The following U2AF2 variants were observed in gnomAD, a reference collection of about 807,000 sequenced individuals.
The protein encoded by U2AF2 is U2 small nuclear RNA auxiliary factor 2.
A neutral mutation model predicts 52.6 loss-of-function variants in U2AF2; 6 were observed. The observed-to-expected ratio is 0.11, with a 90% CI of 0.06 to 0.23. The LOEUF (loss-of-function observed/expected upper bound fraction) is 0.23. U2AF2 is among the 10% of genes least tolerant of loss of function. The pLI is 1.00. For synonymous variants in U2AF2, 284 were observed against 258.2 expected (o/e 1.10, Z -0.96); for missense variants, 222 against 677.1 (o/e 0.33, Z 7.46).
chr19:55,659,560 G>A (rs543592292), intron 2 of U2AF2, among the ~76,000 whole-genome samples: 1 of 152,138 alleles, frequency 6.6e-6, no homozygotes, highest in Admixed American at 6.5e-5. Flanking sequence ...TTCTGTCTTG[G>A]TGGTTGCTGG....
At chr19:55,667,399 G>A (rs966783751) in intron 7 of U2AF2, among the ~76,000 whole-genome samples, 4 of 152,168 alleles carry the variant, frequency 2.6e-5, no homozygotes, top group Non-Finnish European at 5.9e-5. Context: ...AGGCTGGTTG[G>A]TTACCGGGGC....
chr19:55,655,101 C>G lies in U2AF2; in HGVS notation c.-4C>G. The G allele has an allele frequency of 6.2e-7, 1 of 1,606,142 alleles. No homozygotes were observed. Among genetic ancestry groups the G allele is most frequent in the Non-Finnish European group, 8.5e-7 (1 of 1,177,174 alleles). The stretch of plus-strand genomic sequence containing the variant: ...TGCACAGGGCCCTACGCGGCCGCCT[C>G]AGCATGTCGGACTTCGACGAGTTCG... On this transcript the variant is annotated 5_prime_UTR_variant, in exon 1 of 12. Transcript: ENST00000308924.
At chr19:55,666,739 C>T (rs1011774968) in intron 7 of U2AF2, among the ~76,000 whole-genome samples, 3 of 152,212 alleles carry the variant, frequency 2.0e-5, no homozygotes, top group Admixed American at 1.3e-4. Flanking sequence ...CCCAGGGAGC[C>T]CAACTCTTGT....
intron 1 of U2AF2, among the ~76,000 whole-genome samples, chr19:55,655,381 G>A (rs1173075130): frequency 3.9e-5 from 6 of 152,188 alleles, no homozygotes; most frequent in African/African-American, 1.4e-4. Flanking sequence ...TGCGCACGGC[G>A]GCTGTCCCTG....
chr19:55,659,430 G>A (rs557315310), intron 2 of U2AF2, 85 bp downstream of exon 2: 13 of 1,379,616 alleles, frequency 9.4e-6, no homozygotes, highest in Middle Eastern at 5.2e-4. Flanking sequence ...GTGTGTGTCT[G>A]TGTCTGGGTC....
At chr19:55,669,020 G>A (rs961300822) in intron 9 of U2AF2, 63 bp from the exon 10 acceptor site, 229 of 1,570,172 alleles carry the variant, frequency 1.5e-4, no homozygotes, top group African/African-American at 4.5e-4. Context: ...GGTAGGTGTC[G>A]GGCTCCTGGT....
chr19:55,656,986 A>G (rs1451596750), intron 1 of U2AF2, among the ~76,000 whole-genome samples: 1 of 152,228 alleles, frequency 6.6e-6, no homozygotes, highest in African/African-American at 2.4e-5. Flanking sequence ...TTTAAAGAGA[A>G]AACCAAGTCT....
chr19:55,659,193 C>T lies in U2AF2; in HGVS notation c.50-17C>T. ...TTACTCCGCTTATCCCGTGCCCCTC[C>T]TCTCACCCTTGCCCAGAGCGGGACA... On this transcript the variant is annotated splice_polypyrimidine_tract_variant and intron_variant, in intron 1 of 11. Coordinates refer to ENST00000308924, the MANE Select transcript of U2AF2 (RefSeq NM_007279.3). 1.9e-6 allele frequency: 3 copies of T among 1,542,296 alleles called. No homozygotes were observed. Among genetic ancestry groups the T allele is most frequent in the African/African-American group, 1.4e-5 (1 of 71,634 alleles).
At chr19:55,658,992 C>A in intron 1 of U2AF2, 2 of 590,340 alleles carry the variant, frequency 3.4e-6, no homozygotes, top group Non-Finnish European at 5.1e-6. Flanking sequence ...GTATCTTACA[C>A]CCCGGGGGCA....
At position 55,655,039 on chromosome 19, in the gene U2AF2, G is replaced by C. The variant is rs1983678038; in HGVS notation, c.-66G>C. ...GCCGAAGCCAGCGGCGGAAGTAGCC[G>C]AAGCGGCTGGAGCGGGCGGCAAGGC... On this transcript the variant is annotated 5_prime_UTR_variant, in exon 1 of 12. Transcript: ENST00000308924. The C allele has an allele frequency of 6.9e-6, 11 of 1,589,276 alleles. No individual in the cohort carries two copies. The highest frequency in any genetic ancestry group is 8.6e-6 in the Non-Finnish European group (10 of 1,168,592).
At chr19:55,665,034 TG>T (rs1984459723) in intron 7 of U2AF2, among the ~76,000 whole-genome samples, 1 of 152,168 alleles carries the variant, frequency 6.6e-6, no homozygotes, top group East Asian at 1.9e-4. Flanking sequence ...TTTTCCATCA[TG>T]GGTTTTGGTA....
chr19:55,662,190 G>T, intron 5 of U2AF2: 1 of 268,872 alleles, frequency 3.7e-6, no homozygotes, highest in South Asian at 8.7e-5. Flanking sequence ...CATGCCCTCT[G>T]CCTTTTCTTG....
intron 1 of U2AF2, among the ~76,000 whole-genome samples, chr19:55,658,064 A>G (rs1309407428): frequency 2.0e-5 from 3 of 152,172 alleles, no homozygotes; most frequent in African/African-American, 4.8e-5. Flanking sequence ...AGACATTCAC[A>G]TTGCATCGCA....
At chr19:55,673,908 C>A (rs1471439172) in intron 11 of U2AF2, 26 bp from the exon 12 acceptor site, 2 of 1,597,900 alleles carry the variant, frequency 1.3e-6, no homozygotes, top group African/African-American at 1.3e-5. Context: ...GCCTTGTTCA[C>A]AAACCTGCCT....
intron 1 of U2AF2, 39 bp downstream of exon 1, chr19:55,655,192 C>T (rs550603060): frequency 1.3e-6 from 2 of 1,585,246 alleles, no homozygotes; most frequent in Non-Finnish European, 1.7e-6. Context: ...GTGTGGGCGG[C>T]TCCTCGCGTC....
chr19:55,663,505 T>C, intron 6 of U2AF2, 101 bp from the exon 7 acceptor site: 1 of 1,514,862 alleles, frequency 6.6e-7, no homozygotes. Flanking sequence ...TTGTATTTGT[T>C]CACATGAGTG....
intron 10 of U2AF2, 36 bp from the exon 11 acceptor site, chr19:55,669,408 C>T (rs1462138572): frequency 1.9e-6 from 3 of 1,565,446 alleles, no homozygotes; most frequent in Non-Finnish European, 2.6e-6. Context: ...TGGGTCTGGG[C>T]CCCCTGTGAC....
chr19:55,661,022 T>G lies in U2AF2; in HGVS notation c.335-16T>G, dbSNP rs1442482652. On this transcript the variant is annotated splice_polypyrimidine_tract_variant and intron_variant, in intron 4 of 11. Transcript: ENST00000308924. ...TCCCCTGATGGGGTTTTATCCGGCT[T>G]TTATTCCCTTTGAAGCTGCGGGTCA... The G allele has an allele frequency of 1.3e-6, 2 of 1,568,052 alleles. No individual in the cohort carries two copies. The highest frequency in any genetic ancestry group is 4.7e-5 in the East Asian group (2 of 42,972).
At chr19:55,663,246 G>C (rs1224307918) in intron 6 of U2AF2, among the ~76,000 whole-genome samples, 1 of 152,094 alleles carries the variant, frequency 6.6e-6, no homozygotes, top group African/African-American at 2.4e-5. Context: ...CATTGCTCCG[G>C]AGATGGGCTG....
Sources: gnomAD v4.1 joint callset for allele counts (sites outside exome capture counted in the v4.1 genomes callset) on GRCh38, gnomAD v4.1.1 for gene constraint, MANE v1.5 for transcripts, NCBI Gene and HGNC (gene_info 2026-07-23, HGNC 2026-07-21) for gene names.